The following ENOX1 variants were observed in gnomAD, a reference collection of about 807,000 sequenced individuals.
The protein encoded by ENOX1 is ecto-NOX disulfide-thiol exchanger 1.
In ENOX1, 42 loss-of-function variants were observed where a neutral mutation model predicts 82.5. The ratio of observed to expected loss-of-function variants is 0.51; its 90% confidence interval spans 0.40 to 0.66. ENOX1 has a LOEUF of 0.66. ENOX1 is among the 30% of genes least tolerant of loss of function. The pLI is 0.00. For missense variants in ENOX1, 608 were observed against 811.6 expected (o/e 0.75, Z 3.05); for synonymous variants, 271 against 282.2 (o/e 0.96, Z 0.40).
intron 2 of ENOX1, among the ~76,000 whole-genome samples, chr13:43,623,546 A>G (rs968319711): frequency 5.3e-5 from 8 of 152,076 alleles, no homozygotes; most frequent in Non-Finnish European, 2.9e-5. Flanking sequence ...TGTGTTCGGG[A>G]GAGGATGGTC....
chr13:43,443,338 T>C (rs1291354253), intron 3 of ENOX1, among the ~76,000 whole-genome samples: 1 of 152,170 alleles, frequency 6.6e-6, no homozygotes, highest in East Asian at 1.9e-4. Context: ...AATAAGAACA[T>C]AAAAATTTTT....
intron 2 of ENOX1, among the ~76,000 whole-genome samples, chr13:43,518,905 A>G (rs2077657067): frequency 1.3e-5 from 2 of 152,176 alleles, no homozygotes; most frequent in Non-Finnish European, 1.5e-5. Context: ...AAATTACAGA[A>G]AGTAAAAACA....
chr13:43,665,063 A>G (rs765646748), intron 2 of ENOX1, among the ~76,000 whole-genome samples: 1 of 152,154 alleles, frequency 6.6e-6, no homozygotes, highest in Non-Finnish European at 1.5e-5. Context: ...TGACCCACAC[A>G]GTCAATCTCT....
intron 3 of ENOX1, among the ~76,000 whole-genome samples, chr13:43,431,606 A>G (rs895933740): frequency 1.3e-5 from 2 of 152,212 alleles, no homozygotes; most frequent in Non-Finnish European, 2.9e-5. Flanking sequence ...GCCATCAGCC[A>G]AAACAGTGCC....
intron 9 of ENOX1, among the ~76,000 whole-genome samples, chr13:43,338,211 C>T (rs1037149944): frequency 6.6e-6 from 1 of 152,202 alleles, no homozygotes; most frequent in Non-Finnish European, 1.5e-5. Flanking sequence ...GTAGTCCATG[C>T]TTCCTGAACT....
At chr13:43,712,645 T>C (rs2087808302) in intron 1 of ENOX1, among the ~76,000 whole-genome samples, 2 of 151,532 alleles carry the variant, frequency 1.3e-5, no homozygotes, top group African/African-American at 4.8e-5. Flanking sequence ...CCCTTGTAAG[T>C]TGGATTCCTA....
intron 3 of ENOX1, among the ~76,000 whole-genome samples, chr13:43,474,132 T>A (rs2058182008): frequency 6.6e-6 from 1 of 152,192 alleles, no homozygotes; most frequent in African/African-American, 2.4e-5. Flanking sequence ...TTCCTTCCAC[T>A]ATGTATCATC....
chr13:43,661,095 A>G (rs1027538255), intron 2 of ENOX1, among the ~76,000 whole-genome samples: 2 of 152,224 alleles, frequency 1.3e-5, no homozygotes, highest in African/African-American at 4.8e-5. Flanking sequence ...ACAGAGATAG[A>G]AAATACCATT....
chr13:43,472,669 T>C (rs2058119724), intron 3 of ENOX1, among the ~76,000 whole-genome samples: 1 of 152,188 alleles, frequency 6.6e-6, no homozygotes, highest in Non-Finnish European at 1.5e-5. Context: ...GGTTATGGGA[T>C]TTTTGGAAAT....
chr13:43,600,359 C>G (rs1171936313), intron 2 of ENOX1, among the ~76,000 whole-genome samples: 1 of 152,076 alleles, frequency 6.6e-6, no homozygotes, highest in Non-Finnish European at 1.5e-5. Flanking sequence ...AACGAAGAGC[C>G]CTTGGGTCTT....
intron 14 of ENOX1, among the ~76,000 whole-genome samples, chr13:43,238,120 G>A (rs1254061767): frequency 6.6e-6 from 1 of 152,230 alleles, no homozygotes; most frequent in Non-Finnish European, 1.5e-5. Context: ...ACAGGCCTCA[G>A]GCTGATGGTA....
At chr13:43,682,147 CT>C (rs1429920695) in intron 1 of ENOX1, among the ~76,000 whole-genome samples, 2 of 152,202 alleles carry the variant, frequency 1.3e-5, no homozygotes, top group African/African-American at 4.8e-5. Context: ...GTATAAGGAT[CT>C]GGATAAAGCA....
intron 3 of ENOX1, among the ~76,000 whole-genome samples, chr13:43,461,833 A>G (rs775255853): frequency 2.0e-4 from 31 of 152,248 alleles, no homozygotes; most frequent in Non-Finnish European, 4.1e-4. Context: ...GGAGGCACAG[A>G]ACCTTGTATG....
At chr13:43,340,012 G>T (rs546766946) in intron 9 of ENOX1, among the ~76,000 whole-genome samples, 7 of 152,282 alleles carry the variant, frequency 4.6e-5, no homozygotes, top group South Asian at 4.1e-4. Flanking sequence ...TTACCACACT[G>T]AACAGAGCTG....
chr13:43,655,704 T>C (rs1251068065), intron 2 of ENOX1, among the ~76,000 whole-genome samples: 7 of 152,190 alleles, frequency 4.6e-5, no homozygotes, highest in Non-Finnish European at 1.0e-4. Flanking sequence ...GGCTGTGGTC[T>C]GCAACCTGCC....
intron 1 of ENOX1, among the ~76,000 whole-genome samples, chr13:43,766,609 G>C (rs2153836597): frequency 6.6e-6 from 1 of 152,224 alleles, no homozygotes; most frequent in Non-Finnish European, 1.5e-5. Flanking sequence ...TCAGGGAACG[G>C]TTATGAGCTT....
At chr13:43,331,539 G>GAAT (rs1250452905) in intron 9 of ENOX1, among the ~76,000 whole-genome samples, 3 of 152,060 alleles carry the variant, frequency 2.0e-5, no homozygotes, top group African/African-American at 7.2e-5. Flanking sequence ...AATCCTCTAT[G>GAAT]AATAGCCCAT....
chr13:43,249,487 G>T (rs555653106), intron 14 of ENOX1, among the ~76,000 whole-genome samples: 1 of 152,012 alleles, frequency 6.6e-6, no homozygotes, highest in East Asian at 1.9e-4. Flanking sequence ...AGAATTAGTC[G>T]GTTTGATTTA....
At chr13:43,411,783 A>C (rs1257539007) in intron 5 of ENOX1, 133 bp downstream of exon 5, 4 of 1,148,682 alleles carry the variant, frequency 3.5e-6, no homozygotes, top group Non-Finnish European at 4.9e-6. Flanking sequence ...CTCAAGTACA[A>C]CTTGCCAAAC....
Sources: allele counts gnomAD v4.1 joint callset (sites outside exome capture counted in the v4.1 genomes callset), GRCh38; gene constraint gnomAD v4.1.1; transcripts MANE v1.5; gene names NCBI Gene and HGNC (gene_info 2026-07-23, HGNC 2026-07-21).